Variants in SGCD observed in about 807,000 individuals in gnomAD.
SGCD encodes delta-sarcoglycan.
Under a neutral mutation model 36.6 loss-of-function variants are expected in SGCD, and 18 were observed. That is an observed-to-expected ratio of 0.49 (90% confidence interval 0.34 to 0.73). The LOEUF is 0.73. Ranked by LOEUF, SGCD falls within the 30% of genes least tolerant of loss-of-function variation. The probability of loss-of-function intolerance (pLI) is 0.01; values close to 1 mark genes in which losing one functional copy is unlikely to be tolerated. For missense variants in SGCD, 387 were observed against 346.7 expected, an observed-to-expected ratio of 1.12 and a Z score of -0.92; for synonymous variants, 133 against 130.6, an observed-to-expected ratio of 1.02 and a Z score of -0.12.
chr5:156,364,346 CTTATTA>C (rs1189247563), intron 3 of SGCD, among the ~76,000 whole-genome samples: 1 of 149,652 alleles, frequency 6.7e-6, no homozygotes, highest in Admixed American at 6.7e-5. Flanking sequence ...TGGTGCCTAT[CTTATTA>C]TTAGTGTCAG....
chr5:156,501,478 T>C (rs1289928695), intron 3 of SGCD, among the ~76,000 whole-genome samples: 1 of 152,220 alleles, frequency 6.6e-6, no homozygotes, highest in Non-Finnish European at 1.5e-5. Flanking sequence ...CTTTATTCTG[T>C]ACTCATCTTC....
At chr5:156,500,785 C>T (rs1048216817) in intron 3 of SGCD, among the ~76,000 whole-genome samples, 1 of 152,136 alleles carries the variant, frequency 6.6e-6, no homozygotes, top group African/African-American at 2.4e-5. Context: ...GATCCTGGAA[C>T]AGATCAGAAA....
At chr5:156,023,122 C>T (rs1214725044) in intron 1 of SGCD, among the ~76,000 whole-genome samples, 1 of 152,226 alleles carries the variant, frequency 6.6e-6, no homozygotes, top group Non-Finnish European at 1.5e-5. Flanking sequence ...TCCTTTTCTT[C>T]ACCTTTGAAA....
chr5:155,752,313 T>C, the SGCD span, among the ~76,000 whole-genome samples: 16 of 152,334 alleles, frequency 1.1e-4, no homozygotes, highest in African/African-American at 3.8e-4. Flanking sequence ...TCTAGAAGTT[T>C]CTGCATGGTG....
chr5:156,488,479 C>G (rs536453738), intron 3 of SGCD, among the ~76,000 whole-genome samples: 1 of 151,846 alleles, frequency 6.6e-6, no homozygotes, highest in Admixed American at 6.6e-5. Flanking sequence ...ATCTTACAGG[C>G]CAGGAGAGAA....
intron 3 of SGCD, among the ~76,000 whole-genome samples, chr5:156,165,131 GAGGGCTGC>G (rs1561546218): frequency 6.6e-6 from 1 of 152,150 alleles, no homozygotes; most frequent in African/African-American, 2.4e-5. Flanking sequence ...TAATGATAGC[GAGGGCTGC>G]AGGAGTTCCG....
In SGCD at chr5:156,759,578, A is replaced by G. The variant is rs1757461109; in HGVS notation, c.*188A>G. 1.1e-5 allele frequency: 2 copies of G among 174,622 alleles called. No individual in the cohort carries two copies. The highest frequency in any genetic ancestry group is 1.3e-4 in the Admixed American group (2 of 15,928). The allele number at this position is 174,622 out of a possible 1,614,324, so 10.8% of individuals were successfully genotyped here. On this transcript the variant is annotated 3_prime_UTR_variant, in exon 9 of 9. Transcript: ENST00000337851. ...TATAAATATATATAAATATATATAA[A>G]TAAATATATATATCCTCTGTATAAA...
intron 6 of SGCD, among the ~76,000 whole-genome samples, chr5:156,599,994 A>G (rs1194490809): frequency 3.3e-5 from 5 of 152,224 alleles, no homozygotes; most frequent in African/African-American, 1.2e-4. Flanking sequence ...GGAACACAGT[A>G]AGCATTCAGT....
chr5:155,842,884 C>G, the SGCD span, among the ~76,000 whole-genome samples: 2 of 152,174 alleles, frequency 1.3e-5, no homozygotes, highest in Admixed American at 1.3e-4. Context: ...GGCATCATCT[C>G]TATTCTACTT....
chr5:156,125,089 A>G (rs1266194144), intron 3 of SGCD, among the ~76,000 whole-genome samples: 1 of 152,200 alleles, frequency 6.6e-6, no homozygotes, highest in Non-Finnish European at 1.5e-5. Context: ...TATAGCTTAC[A>G]ACCACATGGC....
At chr5:155,890,776 G>T (rs548266988) in intron 1 of SGCD, among the ~76,000 whole-genome samples, 2 of 152,252 alleles carry the variant, frequency 1.3e-5, no homozygotes, top group South Asian at 4.2e-4. Context: ...TACCAGGACT[G>T]CTTCACTATG....
chr5:156,487,089 C>T (rs1755707124), intron 3 of SGCD, among the ~76,000 whole-genome samples: 1 of 152,046 alleles, frequency 6.6e-6, no homozygotes, highest in African/African-American at 2.4e-5. Flanking sequence ...TATATGCTGC[C>T]AGGAACCCGA....
At chr5:155,869,036 G>A (rs1755579539), upstream of SGCD, among the ~76,000 whole-genome samples, 1 of 152,208 alleles carries the variant, frequency 6.6e-6, no homozygotes, top group Middle Eastern at 3.2e-3. Context: ...CTCTTGTCAT[G>A]AGGCTAAAAA....
At chr5:155,862,250 T>C in the SGCD span, among the ~76,000 whole-genome samples, 1 of 152,308 alleles carries the variant, frequency 6.6e-6, no homozygotes, top group Admixed American at 6.5e-5. Context: ...AAATATTTAA[T>C]ATTTATAGAT....
chr5:156,048,680 T>G (rs1759837488), intron 1 of SGCD, among the ~76,000 whole-genome samples: 1 of 152,234 alleles, frequency 6.6e-6, no homozygotes. Flanking sequence ...TTGTTTGTTT[T>G]TTTCTTGTAA....
chr5:155,748,214 T>A, the SGCD span, among the ~76,000 whole-genome samples: 1 of 152,052 alleles, frequency 6.6e-6, no homozygotes, highest in Non-Finnish European at 1.5e-5. Flanking sequence ...CCAACTACCC[T>A]TTCTTATTAT....
At chr5:156,591,521 G>A (rs1760721753) in intron 5 of SGCD, among the ~76,000 whole-genome samples, 1 of 152,128 alleles carries the variant, frequency 6.6e-6, no homozygotes, top group Non-Finnish European at 1.5e-5. Flanking sequence ...GAGTGGGGAA[G>A]GGTTCTAGTG....
At chr5:156,477,634 A>G (rs974572350) in intron 3 of SGCD, among the ~76,000 whole-genome samples, 4 of 151,776 alleles carry the variant, frequency 2.6e-5, no homozygotes, top group African/African-American at 9.7e-5. Flanking sequence ...TGATGGCAAC[A>G]ATAGAATCAT....
chr5:156,480,220 C>G (rs1167168857), intron 3 of SGCD, among the ~76,000 whole-genome samples: 2 of 152,196 alleles, frequency 1.3e-5, no homozygotes, highest in Non-Finnish European at 2.9e-5. Context: ...ATTAGACAGA[C>G]TGTAATGGAC....
Sources: gnomAD v4.1 joint callset for allele counts (sites outside exome capture counted in the v4.1 genomes callset) on GRCh38, gnomAD v4.1.1 for gene constraint, MANE v1.5 for transcripts, NCBI Gene and HGNC (gene_info 2026-07-23, HGNC 2026-07-21) for gene names.